MLIP: variants seen among roughly 807,000 people sequenced by gnomAD.
The protein encoded by MLIP is muscular LMNA-interacting protein.
A neutral mutation model predicts 84.8 loss-of-function variants in MLIP; 79 were observed. The ratio of observed to expected loss-of-function variants is 0.93; its 90% confidence interval spans 0.78 to 1.12. MLIP has a LOEUF of 1.12. Ranked by LOEUF, MLIP falls within the 50% of genes most tolerant of loss-of-function variation. The probability of loss-of-function intolerance (pLI) is 0.00; values close to 1 mark genes in which losing one functional copy is unlikely to be tolerated. For missense variants in MLIP, 1,257 were observed against 1,160.6 expected, an observed-to-expected ratio of 1.08 and a Z score of -1.21; for synonymous variants, 504 against 463.0, an observed-to-expected ratio of 1.09 and a Z score of -1.14.
intron 9 of MLIP, among the ~76,000 whole-genome samples, chr6:54,185,784 T>C (rs1291082001): frequency 1.3e-5 from 2 of 152,198 alleles, no homozygotes; most frequent in Non-Finnish European, 2.9e-5. Flanking sequence ...TAAGAAAAAA[T>C]TGTTAAATGG....
intron 1 of MLIP, among the ~76,000 whole-genome samples, chr6:54,121,206 C>T (rs540315586): frequency 2.3e-4 from 35 of 152,282 alleles, no homozygotes; most frequent in South Asian, 1.0e-3. Context: ...TGTTTTATGC[C>T]ATCCCCTACA....
At chr6:54,027,325 TTAACC>T (rs1266624362) in intron 1 of MLIP, among the ~76,000 whole-genome samples, 1 of 150,400 alleles carries the variant, frequency 6.6e-6, no homozygotes, top group Non-Finnish European at 1.5e-5. Flanking sequence ...TTTCTCACAC[TTAACC>T]TAAAATAAAG....
chr6:54,218,805 C>T (rs1277912135), intron 11 of MLIP, among the ~76,000 whole-genome samples: 1 of 151,968 alleles, frequency 6.6e-6, no homozygotes, highest in African/African-American at 2.4e-5. Context: ...TGTGAGCCAC[C>T]ACAACTGGCC....
intron 3 of MLIP, among the ~76,000 whole-genome samples, chr6:54,133,364 C>A (rs529873686): frequency 6.6e-6 from 1 of 152,114 alleles, no homozygotes; most frequent in Non-Finnish European, 1.5e-5. Context: ...GAGAAGAGGA[C>A]AAATCAATAA....
At chr6:54,117,484 G>C (rs1170233292) in intron 1 of MLIP, among the ~76,000 whole-genome samples, 1 of 151,352 alleles carries the variant, frequency 6.6e-6, no homozygotes, top group Non-Finnish European at 1.5e-5. Context: ...AAAGTGCTGG[G>C]ATTACAGGCG....
chr6:54,039,011 G>A (rs1363479216), intron 1 of MLIP, among the ~76,000 whole-genome samples: 2 of 151,740 alleles, frequency 1.3e-5, no homozygotes, highest in Non-Finnish European at 2.9e-5. Flanking sequence ...ATTTTTCTCT[G>A]GTTGAACTGG....
intron 1 of MLIP, among the ~76,000 whole-genome samples, chr6:54,040,702 A>G (rs1764694466): frequency 6.6e-6 from 1 of 152,092 alleles, no homozygotes; most frequent in South Asian, 2.1e-4. Context: ...GAGCAAATGT[A>G]GTACATACAT....
chr6:54,040,660 A>G (rs1764692060), intron 1 of MLIP, among the ~76,000 whole-genome samples: 1 of 152,058 alleles, frequency 6.6e-6, no homozygotes. Flanking sequence ...ACATAGAATC[A>G]ACCTAGGTGC....
intron 3 of MLIP, among the ~76,000 whole-genome samples, chr6:54,127,160 T>C (rs1218186143): frequency 6.6e-6 from 1 of 152,170 alleles, no homozygotes; most frequent in Non-Finnish European, 1.5e-5. Flanking sequence ...AGATGTTCCC[T>C]TTGGAAAGGA....
intron 1 of MLIP, among the ~76,000 whole-genome samples, chr6:54,054,044 T>C (rs1304681243): frequency 1.3e-5 from 2 of 152,202 alleles, no homozygotes; most frequent in Non-Finnish European, 2.9e-5. Flanking sequence ...AAGGGAGAAA[T>C]GTACCTATGT....
chr6:54,244,067 G>A (rs985575341), intron 12 of MLIP, among the ~76,000 whole-genome samples: 1 of 152,106 alleles, frequency 6.6e-6, no homozygotes, highest in Non-Finnish European at 1.5e-5. Context: ...TTGTACTGAG[G>A]TAGCCACATT....
At chr6:54,163,055 T>C (rs1774817021) in intron 8 of MLIP, among the ~76,000 whole-genome samples, 1 of 152,038 alleles carries the variant, frequency 6.6e-6, no homozygotes, top group Non-Finnish European at 1.5e-5. Flanking sequence ...TTTATTAGAT[T>C]TGACTTGTAT....
chr6:54,079,805 A>G (rs1472496857), intron 1 of MLIP: 1 of 152,150 alleles, frequency 6.6e-6, no homozygotes, highest in African/African-American at 2.4e-5. Flanking sequence ...TTCCTCCTTT[A>G]TTGGATCCTC....
chr6:54,233,439 T>G (rs1285621369), intron 12 of MLIP, among the ~76,000 whole-genome samples: 1 of 152,160 alleles, frequency 6.6e-6, no homozygotes, highest in Admixed American at 6.6e-5. Context: ...TTTGTTTTTC[T>G]GTTCCTGTGT....
At chr6:54,044,945 A>G (rs1764951604) in intron 1 of MLIP, among the ~76,000 whole-genome samples, 1 of 152,220 alleles carries the variant, frequency 6.6e-6, no homozygotes, top group East Asian at 1.9e-4. Flanking sequence ...AATATTTGAT[A>G]TGTAGAAAAT....
In MLIP at chr6:54,154,654, A is replaced by G. The variant is rs542669960; in HGVS notation, c.2289+5527A>G. 8.5e-5 allele frequency among the ~76,000 whole-genome samples: 13 copies of G among 152,318 alleles called. No homozygotes were observed. The South Asian group carries it at 2.3e-3, about 27-fold the overall frequency. Reference sequence around the variant, plus strand: ...TGACATCAGCTAGCTACAGTGAATTATTGAGTAAGGGATGCTCATATGGGA... The same window carrying G: ...TGACATCAGCTAGCTACAGTGAATTGTTGAGTAAGGGATGCTCATATGGGA... On this transcript the variant is annotated intron_variant, in intron 5 of 13. Coordinates refer to ENST00000502396, the MANE Select transcript of MLIP (RefSeq NM_001281747.2).
intron 10 of MLIP, among the ~76,000 whole-genome samples, chr6:54,193,623 C>T (rs750266495): frequency 5.3e-5 from 8 of 152,098 alleles, no homozygotes; most frequent in Non-Finnish European, 8.8e-5. Flanking sequence ...GCATTACTTT[C>T]ACTGGGTACC....
intron 3 of MLIP, among the ~76,000 whole-genome samples, chr6:54,132,663 C>A (rs914475994): frequency 6.6e-6 from 1 of 152,014 alleles, no homozygotes; most frequent in Non-Finnish European, 1.5e-5. Flanking sequence ...ACAACAACAA[C>A]AAAAAAGAAA....
intron 10 of MLIP, among the ~76,000 whole-genome samples, chr6:54,190,877 GCTCCGC>G (rs1262507696): frequency 6.7e-6 from 1 of 150,114 alleles, no homozygotes; most frequent in African/African-American, 2.5e-5. Context: ...CTCACTGCAA[GCTCCGC>G]CTCCCGGGTT....
Sources: gnomAD v4.1 joint callset for allele counts (sites outside exome capture counted in the v4.1 genomes callset) on GRCh38, gnomAD v4.1.1 for gene constraint, MANE v1.5 for transcripts, NCBI Gene and HGNC (gene_info 2026-07-23, HGNC 2026-07-21) for gene names.